SGCD: variants seen among roughly 807,000 people sequenced by gnomAD.
SGCD encodes delta-sarcoglycan.
In SGCD, 18 loss-of-function variants were observed where a neutral mutation model predicts 36.6. The observed-to-expected ratio is 0.49, with a 90% CI of 0.34 to 0.73. SGCD has a LOEUF of 0.73. Among genes scored for constraint, SGCD ranks in the 30% least tolerant of loss-of-function variants. The probability of loss-of-function intolerance (pLI) is 0.01; values close to 1 mark genes in which losing one functional copy is unlikely to be tolerated. For missense variants in SGCD, 387 were observed against 346.7 expected (o/e 1.12, Z -0.92); for synonymous variants, 133 against 130.6 (o/e 1.02, Z -0.12).
chr5:156,247,100 T>C (rs1235112102), intron 3 of SGCD, among the ~76,000 whole-genome samples: 2 of 152,238 alleles, frequency 1.3e-5, no homozygotes, highest in Admixed American at 6.5e-5. Flanking sequence ...CCTGTTGCCC[T>C]GTTAGCCACA....
chr5:156,013,988 A>G (rs1387634792), intron 1 of SGCD, among the ~76,000 whole-genome samples: 2 of 149,764 alleles, frequency 1.3e-5, no homozygotes, highest in African/African-American at 2.4e-5. Context: ...CGAGATAGGG[A>G]TGCAGCTTAC....
At chr5:155,898,775 C>T (rs543505832) in intron 1 of SGCD, among the ~76,000 whole-genome samples, 6 of 152,248 alleles carry the variant, frequency 3.9e-5, no homozygotes, top group African/African-American at 9.6e-5. Context: ...AGGTTGCTTT[C>T]GAAGAAGACA....
chr5:156,204,280 T>C (rs1018528247), intron 3 of SGCD, among the ~76,000 whole-genome samples: 1 of 152,060 alleles, frequency 6.6e-6, no homozygotes, highest in African/African-American at 2.4e-5. Context: ...GTAGTAAGAA[T>C]AATACTCCAA....
chr5:156,046,041 C>T (rs1298800348), intron 1 of SGCD, among the ~76,000 whole-genome samples: 1 of 152,042 alleles, frequency 6.6e-6, no homozygotes, highest in Non-Finnish European at 1.5e-5. Context: ...TGGCCCTTTT[C>T]ACATCCATTG....
chr5:156,675,430 A>G (rs1753469046), intron 7 of SGCD, among the ~76,000 whole-genome samples: 1 of 152,218 alleles, frequency 6.6e-6, no homozygotes, highest in Admixed American at 6.5e-5. Flanking sequence ...GCAACAGGTT[A>G]ATAGCCTATT....
chr5:155,790,742 C>G, the SGCD span, among the ~76,000 whole-genome samples: 1 of 152,078 alleles, frequency 6.6e-6, no homozygotes, highest in African/African-American at 2.4e-5. Context: ...CATTGTTCCT[C>G]TGTGTCTTTT....
chr5:155,996,249 A>G (rs964599078), intron 1 of SGCD, among the ~76,000 whole-genome samples: 1 of 152,132 alleles, frequency 6.6e-6, no homozygotes, highest in Middle Eastern at 3.4e-3. Context: ...AGTACCCAAT[A>G]GTTATTTTTT....
intron 1 of SGCD, among the ~76,000 whole-genome samples, chr5:156,026,780 G>C (rs1369006513): frequency 1.3e-5 from 2 of 152,080 alleles, no homozygotes; most frequent in African/African-American, 4.8e-5. Flanking sequence ...ATGGAATATG[G>C]GTCTTTGGGA....
In SGCD at chr5:156,073,709, C is replaced by T. The variant is rs186483557; in HGVS notation, c.-281-44169C>T. Among the ~76,000 whole-genome samples, 407 of 152,280 alleles carry T rather than the reference C, an allele frequency of 2.7e-3. 3 individuals are homozygous for T. Among genetic ancestry groups the T allele is most frequent in the African/African-American group, 9.3e-3 (385 of 41,554 alleles). ...AAGAGACTAAGCCACATGTTCTCTA[C>T]CCATGAAGATCATATCATCTAAATC... On this transcript the variant is annotated intron_variant, in intron 1 of 9. Transcript: ENST00000517913.
At chr5:156,669,499 C>G (rs1476760480) in intron 7 of SGCD, among the ~76,000 whole-genome samples, 1 of 152,068 alleles carries the variant, frequency 6.6e-6, no homozygotes, top group African/African-American at 2.4e-5. Flanking sequence ...TAATTTTTCC[C>G]CACAATCCAT....
intron 3 of SGCD, among the ~76,000 whole-genome samples, chr5:156,435,519 A>G (rs1199290669): frequency 6.6e-6 from 1 of 152,182 alleles, no homozygotes; most frequent in Non-Finnish European, 1.5e-5. Flanking sequence ...GTGTGGAATC[A>G]TATATGTGGA....
chr5:156,043,203 T>C (rs1427768098), intron 1 of SGCD, among the ~76,000 whole-genome samples: 1 of 152,158 alleles, frequency 6.6e-6, no homozygotes, highest in African/African-American at 2.4e-5. Flanking sequence ...CAAGTATCAA[T>C]ACATGAAGCT....
the SGCD span, among the ~76,000 whole-genome samples, chr5:155,849,182 T>C: frequency 4.4e-3 from 675 of 152,288 alleles, 8 homozygotes; most frequent in African/African-American, 0.015. Flanking sequence ...GTAACCAGAT[T>C]CTCACAGTGT....
intron 3 of SGCD, among the ~76,000 whole-genome samples, chr5:156,365,527 C>T (rs923738158): frequency 5.9e-5 from 9 of 152,100 alleles, no homozygotes; most frequent in Non-Finnish European, 1.2e-4. Flanking sequence ...GAAAGATGAG[C>T]GTTTTCTCTT....
intron 3 of SGCD, among the ~76,000 whole-genome samples, chr5:156,269,959 C>A (rs530510321): frequency 2.0e-5 from 3 of 152,318 alleles, no homozygotes; most frequent in Admixed American, 2.0e-4. Context: ...GTGCCTACAA[C>A]CACAATGAAA....
intron 3 of SGCD, among the ~76,000 whole-genome samples, chr5:156,427,869 G>A (rs1179762047): frequency 1.3e-5 from 2 of 152,126 alleles, no homozygotes; most frequent in East Asian, 3.9e-4. Context: ...AACCATCCCT[G>A]TATCCCTGGT....
chr5:156,427,749 G>C lies in SGCD; in HGVS notation c.193-80852G>C, dbSNP rs77132265. On this transcript the variant is annotated intron_variant, in intron 3 of 8. Transcript: ENST00000337851. Reference sequence around the variant, plus strand: ...TTGTTGAGAGGTTTTATCATAAAGGGATGCTGGATTTTATTAAATGCTTTT... The same window carrying C: ...TTGTTGAGAGGTTTTATCATAAAGGCATGCTGGATTTTATTAAATGCTTTT... Among the ~76,000 whole-genome samples, 1,390 of 152,206 alleles carry C rather than the reference G, an allele frequency of 9.1e-3. 27 individuals are homozygous for C. The highest frequency in any genetic ancestry group is 0.032 in the African/African-American group (1,316 of 41,520).
chr5:156,211,403 C>T (rs1277955136), intron 3 of SGCD, among the ~76,000 whole-genome samples: 1 of 151,886 alleles, frequency 6.6e-6, no homozygotes, highest in African/African-American at 2.4e-5. Context: ...GTCAGGAGAT[C>T]GAGACCATCC....
chr5:156,140,043 A>T (rs1762542044), intron 3 of SGCD, among the ~76,000 whole-genome samples: 1 of 152,220 alleles, frequency 6.6e-6, no homozygotes, highest in Non-Finnish European at 1.5e-5. Context: ...CCCTCACCTG[A>T]CAACAAACTT....
Sources: allele counts gnomAD v4.1 joint callset (sites outside exome capture counted in the v4.1 genomes callset), GRCh38; gene constraint gnomAD v4.1.1; transcripts MANE v1.5; gene names NCBI Gene and HGNC (gene_info 2026-07-23, HGNC 2026-07-21).